The following DIAPH3 variants were observed in gnomAD, a reference collection of about 807,000 sequenced individuals.
The protein encoded by DIAPH3 is diaphanous related formin 3.
DIAPH3 carries 117 observed loss-of-function variants against 144.3 expected under a neutral mutation model. That is an observed-to-expected ratio of 0.81 (90% confidence interval 0.70 to 0.95). The LOEUF (loss-of-function observed/expected upper bound fraction) is 0.95, where lower values mean the gene tolerates loss of function less well. DIAPH3 is among the 40% of genes least tolerant of loss of function. DIAPH3 has a pLI of 0.00. For missense variants in DIAPH3, 1,421 were observed against 1,412.7 expected, an observed-to-expected ratio of 1.01 and a Z score of -0.09; for synonymous variants, 519 against 488.9, an observed-to-expected ratio of 1.06 and a Z score of -0.81.
chr13:59,983,703 T>A (rs1594219123), intron 13 of DIAPH3, 66 bp downstream of exon 13: 1 of 1,103,772 alleles, frequency 9.1e-7, no homozygotes, highest in East Asian at 2.4e-5. Context: ...CGAGAACCAA[T>A]GCCCTAGAGC....
intron 21 of DIAPH3, among the ~76,000 whole-genome samples, chr13:59,862,550 G>A (rs560952702): frequency 2.2e-4 from 34 of 152,258 alleles, no homozygotes; most frequent in African/African-American, 7.2e-4. Context: ...CCCAGGTGAT[G>A]CTGTTAACTA....
At chr13:59,944,418 A>G (rs2048697057) in intron 17 of DIAPH3, among the ~76,000 whole-genome samples, 1 of 152,208 alleles carries the variant, frequency 6.6e-6, no homozygotes, top group Admixed American at 6.5e-5. Context: ...GTATACATAC[A>G]GAGAAAGAAG....
chr13:59,870,351 A>G (rs184645087), intron 21 of DIAPH3, among the ~76,000 whole-genome samples: 2 of 151,994 alleles, frequency 1.3e-5, no homozygotes, highest in East Asian at 1.9e-4. Context: ...CCTTTGGCCA[A>G]TACCACAATA....
At chr13:59,865,027 A>T (rs1270603124) in intron 21 of DIAPH3, among the ~76,000 whole-genome samples, 1 of 151,992 alleles carries the variant, frequency 6.6e-6, no homozygotes, top group East Asian at 1.9e-4. Context: ...TCATTTATAA[A>T]CTACTATGCA....
chr13:59,872,698 T>C (rs2044351961), intron 21 of DIAPH3, among the ~76,000 whole-genome samples: 1 of 152,252 alleles, frequency 6.6e-6, no homozygotes, highest in South Asian at 2.1e-4. Context: ...ATTTTTCATT[T>C]ATAAAATATA....
intron 5 of DIAPH3, among the ~76,000 whole-genome samples, chr13:60,032,501 G>A (rs1050847647): frequency 6.6e-6 from 1 of 152,210 alleles, no homozygotes; most frequent in Non-Finnish European, 1.5e-5. Flanking sequence ...CCACATGGAA[G>A]TCACCAAGAC....
chr13:59,688,757 C>T (rs1391750152), intron 27 of DIAPH3, among the ~76,000 whole-genome samples: 4 of 151,864 alleles, frequency 2.6e-5, no homozygotes, highest in Non-Finnish European at 4.4e-5. Context: ...TTAGATACAT[C>T]AGAAACAACT....
rs78293082 is a variant in DIAPH3 at position 59,683,991 on chromosome 13, C to T, written c.3320-17145G>A. Among the ~76,000 whole-genome samples the T allele has an allele frequency of 4.6e-5, 7 of 152,022 alleles. No homozygotes were observed. In the East Asian group the frequency reaches 1.4e-3, roughly 29 times the overall value. On this transcript the variant is annotated intron_variant, in intron 27 of 27. Transcript: ENST00000400324. ...GAGGAGGAACTTGAATAACATTTCTCCTGTTAATTCTGACATACTCAGTGA... is the reference window on the plus strand; with the variant it reads ...GAGGAGGAACTTGAATAACATTTCTTCTGTTAATTCTGACATACTCAGTGA...
chr13:60,075,765 G>C (rs1250529982), intron 4 of DIAPH3, among the ~76,000 whole-genome samples: 1 of 152,110 alleles, frequency 6.6e-6, no homozygotes, highest in Non-Finnish European at 1.5e-5. Context: ...ATTACCTTCA[G>C]GGCTGGAGAC....
intron 17 of DIAPH3, among the ~76,000 whole-genome samples, chr13:59,940,521 A>G (rs1446628080): frequency 6.6e-6 from 1 of 152,206 alleles, no homozygotes; most frequent in Non-Finnish European, 1.5e-5. Flanking sequence ...AAAATTTCTA[A>G]TCTCTAAAAT....
intron 24 of DIAPH3, among the ~76,000 whole-genome samples, chr13:59,825,745 G>A (rs2041371428): frequency 6.6e-6 from 1 of 152,058 alleles, no homozygotes; most frequent in African/African-American, 2.4e-5. Flanking sequence ...GTGTGAGATG[G>A]TATCTCATTG....
intron 17 of DIAPH3, among the ~76,000 whole-genome samples, chr13:59,926,785 GAGA>G (rs1414894779): frequency 6.6e-6 from 1 of 152,176 alleles, no homozygotes; most frequent in Non-Finnish European, 1.5e-5. Context: ...ATGAGCTGAA[GAGA>G]AGATGTGTGT....
chr13:59,856,131 A>G (rs2043240835), intron 22 of DIAPH3, among the ~76,000 whole-genome samples: 1 of 152,192 alleles, frequency 6.6e-6, no homozygotes, highest in African/African-American at 2.4e-5. Flanking sequence ...GCATACTTGC[A>G]ATTATTTCAA....
chr13:60,117,190 TG>T (rs1228320242), intron 2 of DIAPH3, among the ~76,000 whole-genome samples: 1 of 152,014 alleles, frequency 6.6e-6, no homozygotes, highest in Non-Finnish European at 1.5e-5. Flanking sequence ...CCTAAAACTC[TG>T]GGGAAAAGAT....
intron 17 of DIAPH3, among the ~76,000 whole-genome samples, chr13:59,934,154 T>C (rs1257802313): frequency 6.6e-6 from 1 of 152,188 alleles, no homozygotes; most frequent in East Asian, 1.9e-4. Flanking sequence ...TCTCTTTCTA[T>C]AACTGAGTAT....
At chr13:60,083,115 G>T (rs967555333) in intron 4 of DIAPH3, among the ~76,000 whole-genome samples, 1 of 152,000 alleles carries the variant, frequency 6.6e-6, no homozygotes, top group Non-Finnish European at 1.5e-5. Flanking sequence ...TAGAGGAGGA[G>T]CTTGATCATC....
intron 17 of DIAPH3, among the ~76,000 whole-genome samples, chr13:59,966,662 C>T (rs528693886): frequency 9.9e-5 from 15 of 152,262 alleles, no homozygotes; most frequent in African/African-American, 3.6e-4. Context: ...GTCTACATGA[C>T]AGAAAACTTC....
intron 1 of DIAPH3, among the ~76,000 whole-genome samples, chr13:60,159,190 T>C (rs996625413): frequency 6.6e-6 from 1 of 152,094 alleles, no homozygotes; most frequent in Non-Finnish European, 1.5e-5. Context: ...CTGCCTATAA[T>C]CAGAAAATCA....
intron 4 of DIAPH3, among the ~76,000 whole-genome samples, chr13:60,092,007 T>A (rs1004618735): frequency 1.3e-5 from 2 of 151,802 alleles, no homozygotes; most frequent in Non-Finnish European, 2.9e-5. Flanking sequence ...CACATCCAGC[T>A]AATTTCTTTT....
Sources: gnomAD v4.1 joint callset for allele counts (sites outside exome capture counted in the v4.1 genomes callset) on GRCh38, gnomAD v4.1.1 for gene constraint, MANE v1.5 for transcripts, NCBI Gene and HGNC (gene_info 2026-07-23, HGNC 2026-07-21) for gene names.